ZNRF3: variants seen among roughly 807,000 people sequenced by gnomAD.
The protein encoded by ZNRF3 is E3 ubiquitin-protein ligase ZNRF3.
ZNRF3 carries 23 observed loss-of-function variants against 72.5 expected under a neutral mutation model. The ratio of observed to expected loss-of-function variants is 0.32; its 90% CI spans 0.23 to 0.45. ZNRF3 has a LOEUF of 0.45. Among genes scored for constraint, ZNRF3 ranks in the 20% least tolerant of loss-of-function variants. ZNRF3 has a pLI of 1.00. For missense variants in ZNRF3, 1,169 were observed against 1,272.1 expected, an observed-to-expected ratio of 0.92 and a Z score of 1.23; for synonymous variants, 610 against 545.3, an observed-to-expected ratio of 1.12 and a Z score of -1.65.
rs780829691 is a variant in ZNRF3 at position 29,050,116 on chromosome 22, G to A, written c.1935G>A (p.Glu645=). The stretch of plus-strand genomic sequence containing the variant: ...ACAGTCATGGTGCTGGGCGGGGCGA[G>A]CCTTGGCCGGGCCCTGCCTCTCCCT... ...AVHSHGAGRG[E]PWPGPASPSG... Residue 645 remains glutamate, a synonymous_variant, in exon 8 of 9, where the codon GAG becomes GAA. Coordinates refer to ENST00000544604, the MANE Select transcript of ZNRF3 (RefSeq NM_001206998.2). 6.2e-7 allele frequency: 1 copy of A among 1,607,144 alleles called. No homozygotes were observed. The highest frequency in any genetic ancestry group is 2.2e-5 in the East Asian group (1 of 44,858).
chr22:29,042,186 C>T (rs139795312), intron 2 of ZNRF3, among the ~76,000 whole-genome samples: 1 of 152,182 alleles, frequency 6.6e-6, no homozygotes, highest in African/African-American at 2.4e-5. Context: ...TATTTCAATA[C>T]ATACAAGGTA....
intron 1 of ZNRF3, among the ~76,000 whole-genome samples, chr22:28,948,679 C>G (rs914699739): frequency 6.6e-6 from 1 of 152,156 alleles, no homozygotes; most frequent in Non-Finnish European, 1.5e-5. Context: ...TATTTTATAG[C>G]CTGTTAAGAT....
intron 1 of ZNRF3, among the ~76,000 whole-genome samples, chr22:28,952,719 T>C (rs1461539616): frequency 2.0e-5 from 3 of 152,176 alleles, no homozygotes; most frequent in Non-Finnish European, 4.4e-5. Context: ...GCTTTGACAG[T>C]TAAAAAGCAA....
intron 4 of ZNRF3, 121 bp from the exon 5 acceptor site, chr22:29,044,658 CA>C (rs2037028036): frequency 2.8e-6 from 2 of 707,210 alleles, no homozygotes; most frequent in Non-Finnish European, 5.1e-6. Context: ...GAGTTTCCTG[CA>C]AATTGAGGGG....
intron 1 of ZNRF3, among the ~76,000 whole-genome samples, chr22:28,976,203 G>A (rs760483444): frequency 6.6e-6 from 1 of 152,030 alleles, no homozygotes; most frequent in East Asian, 1.9e-4. Context: ...TGCATTGAGC[G>A]AAGATCATGC....
chr22:29,053,704 A>G lies in ZNRF3; in HGVS notation c.*82A>G. 2.1e-6 allele frequency: 3 copies of G among 1,435,990 alleles called. No individual in the cohort carries two copies. Among genetic ancestry groups the G allele is most frequent in the Non-Finnish European group, 2.8e-6 (3 of 1,054,392 alleles). 89.0% of individuals were successfully genotyped at this position (1,435,990 alleles called of 1,614,324 possible). ...TTCTTTCAAAAAACAAAAACAAAAA[A>G]TTTTTTTAGCTTTGACAAACACACA... On this transcript the variant is annotated 3_prime_UTR_variant, in exon 9 of 9. Transcript: ENST00000544604.
At chr22:28,897,241 C>T (rs1332612919) in intron 1 of ZNRF3, among the ~76,000 whole-genome samples, 1 of 152,224 alleles carries the variant, frequency 6.6e-6, no homozygotes, top group South Asian at 2.1e-4. Flanking sequence ...ATTGTTGCCT[C>T]CGGGCGTGGG....
At chr22:28,942,850 G>A (rs1243408892) in intron 1 of ZNRF3, among the ~76,000 whole-genome samples, 1 of 152,130 alleles carries the variant, frequency 6.6e-6, no homozygotes, top group African/African-American at 2.4e-5. Context: ...TGTGATTGGT[G>A]TTGCCCTTTT....
intron 1 of ZNRF3, 115 bp downstream of exon 1, chr22:28,884,181 C>A: frequency 1.2e-6 from 1 of 831,676 alleles, no homozygotes; most frequent in Non-Finnish European, 1.5e-6. Flanking sequence ...GAGGGGTGGC[C>A]GAGAGGCCGG....
At chr22:29,003,181 C>T (rs1173848636) in intron 2 of ZNRF3, among the ~76,000 whole-genome samples, 1 of 152,068 alleles carries the variant, frequency 6.6e-6, no homozygotes, top group Non-Finnish European at 1.5e-5. Context: ...AGAAGTTTTA[C>T]TTGGGATGGA....
At chr22:29,044,574 C>T (rs538319078) in intron 4 of ZNRF3, among the ~76,000 whole-genome samples, 3 of 152,338 alleles carry the variant, frequency 2.0e-5, no homozygotes, top group Admixed American at 6.5e-5. Context: ...TCGCCACAGG[C>T]GTCCCCCTGG....
At chr22:28,955,032 G>GTTTTTTTT (rs372334361) in intron 1 of ZNRF3, among the ~76,000 whole-genome samples, 2 of 137,162 alleles carry the variant, frequency 1.5e-5, no homozygotes, top group Middle Eastern at 4.0e-3. Flanking sequence ...TATTTTTGGT[G>GTTTTTTTT]TTTTTTTTTT....
intron 8 of ZNRF3, among the ~76,000 whole-genome samples, chr22:29,051,918 G>T (rs915253969): frequency 2.0e-5 from 3 of 149,398 alleles, no homozygotes; most frequent in African/African-American, 7.4e-5. Context: ...CCATCCCTGT[G>T]CCCACCCTGC....
At chr22:28,955,373 A>C (rs1185042313) in intron 1 of ZNRF3, among the ~76,000 whole-genome samples, 1 of 152,132 alleles carries the variant, frequency 6.6e-6, no homozygotes, top group African/African-American at 2.4e-5. Flanking sequence ...TTTTTAAAGG[A>C]AATATTATCA....
intron 1 of ZNRF3, chr22:28,986,550 C>G: frequency 7.6e-6 from 7 of 919,824 alleles, no homozygotes; most frequent in Non-Finnish European, 9.1e-6. Flanking sequence ...TCCCAGTAAC[C>G]AGGGGTAGCC....
At position 28,954,732 on chromosome 22, in the gene ZNRF3, A is replaced by G. The variant is rs1601598394; in HGVS notation, c.301-32344A>G. Among the ~76,000 whole-genome samples, 3 of 152,090 alleles carry G rather than the reference A, an allele frequency of 2.0e-5. No homozygotes were observed. In the South Asian group the frequency reaches 6.2e-4, roughly 32 times the overall value. ...AGCCTCTACCTCCTGGGCTCTAGCAATCCTCCTGAGTAGCTGGGACTACAG... is the reference window on the plus strand; with the variant it reads ...AGCCTCTACCTCCTGGGCTCTAGCAGTCCTCCTGAGTAGCTGGGACTACAG... On this transcript the variant is annotated intron_variant, in intron 1 of 8. Transcript: ENST00000544604.
chr22:28,947,406 G>T (rs572139093), intron 1 of ZNRF3, among the ~76,000 whole-genome samples: 2 of 152,266 alleles, frequency 1.3e-5, no homozygotes, highest in East Asian at 3.9e-4. Context: ...TTGCCACTCT[G>T]TTTCATGTCT....
At chr22:28,983,116 A>C (rs960452463) in intron 1 of ZNRF3, among the ~76,000 whole-genome samples, 1 of 152,102 alleles carries the variant, frequency 6.6e-6, no homozygotes, top group Admixed American at 6.5e-5. Context: ...ACTTTAGAAA[A>C]ATTCCTTTTA....
intron 2 of ZNRF3, among the ~76,000 whole-genome samples, chr22:29,032,759 C>G (rs2036786668): frequency 6.6e-6 from 1 of 152,216 alleles, no homozygotes; most frequent in African/African-American, 2.4e-5. Flanking sequence ...TACCCTGTGC[C>G]AGGCCTTTTG....
Sources: gnomAD v4.1 joint callset for allele counts (sites outside exome capture counted in the v4.1 genomes callset) on GRCh38, gnomAD v4.1.1 for gene constraint, MANE v1.5 for transcripts, NCBI Gene and HGNC (gene_info 2026-07-23, HGNC 2026-07-21) for gene names.